Variants in WDR70 observed in about 807,000 individuals in gnomAD.
WDR70 encodes WD repeat-containing protein 70.
A neutral mutation model predicts 88.6 loss-of-function variants in WDR70; 53 were observed. That is an observed-to-expected ratio of 0.60 (90% CI 0.48 to 0.75). WDR70 has a LOEUF of 0.75. WDR70 is among the 30% of genes least tolerant of loss of function. The pLI is 0.00. For synonymous variants in WDR70, 280 were observed against 270.0 expected (o/e 1.04, Z -0.36); for missense variants, 610 against 823.2 (o/e 0.74, Z 3.17).
At chr5:37,415,655 C>CG (rs1371159955) in intron 5 of WDR70, among the ~76,000 whole-genome samples, 1 of 149,364 alleles carries the variant, frequency 6.7e-6, no homozygotes, top group East Asian at 2.0e-4. Context: ...GCTGGCCGGG[C>CG]GGGGGGCTGA....
chr5:37,709,258 C>T (rs1747443367), intron 13 of WDR70, among the ~76,000 whole-genome samples: 1 of 152,170 alleles, frequency 6.6e-6, no homozygotes, highest in Non-Finnish European at 1.5e-5. Flanking sequence ...AGCAATCAGG[C>T]AGCTGGTTGA....
chr5:37,455,205 A>G (rs558119861), intron 7 of WDR70, among the ~76,000 whole-genome samples: 3 of 149,600 alleles, frequency 2.0e-5, no homozygotes, highest in East Asian at 2.0e-4. Context: ...AAATCAGACT[A>G]CTATTTAAGA....
chr5:37,630,450 T>G (rs1278552943), intron 10 of WDR70, among the ~76,000 whole-genome samples: 1 of 152,120 alleles, frequency 6.6e-6, no homozygotes, highest in Non-Finnish European at 1.5e-5. Context: ...GCACTGTGTT[T>G]CTGAATCCCT....
rs181696404 is a variant in WDR70, at chr5:37,652,631, A to G, written c.1093-45024A>G. Among the ~76,000 whole-genome samples the G allele has an allele frequency of 2.2e-4, 33 of 152,260 alleles. No homozygotes were observed. The East Asian group carries it at 6.4e-3, about 29-fold the overall frequency. On this transcript the variant is annotated intron_variant, in intron 10 of 17. Coordinates refer to ENST00000265107, the MANE Select transcript of WDR70 (RefSeq NM_018034.4). ...CTTATTTCATTGAGCAGTGGTTTGT[A>G]GTTCTCCTTGAAGAGGTCCTTCACA... is the stretch of plus-strand genomic sequence containing the variant.
At chr5:37,522,083 A>G (rs1741110802) in intron 9 of WDR70, among the ~76,000 whole-genome samples, 1 of 152,152 alleles carries the variant, frequency 6.6e-6, no homozygotes, top group Admixed American at 6.5e-5. Context: ...TGAAGGTGGT[A>G]TCGCATTGTG....
intron 5 of WDR70, among the ~76,000 whole-genome samples, chr5:37,429,220 T>C (rs1310085314): frequency 6.6e-6 from 1 of 152,220 alleles, no homozygotes; most frequent in East Asian, 1.9e-4. Flanking sequence ...TTTTAGAGTT[T>C]AGAGTTTATT....
intron 9 of WDR70, among the ~76,000 whole-genome samples, chr5:37,548,725 T>C (rs1742063365): frequency 6.6e-6 from 1 of 152,208 alleles, no homozygotes; most frequent in African/African-American, 2.4e-5. Flanking sequence ...CCCAGACCGA[T>C]GTCCTGGAGA....
chr5:37,408,514 A>C (rs1749425207), intron 5 of WDR70, among the ~76,000 whole-genome samples: 1 of 152,140 alleles, frequency 6.6e-6, no homozygotes, highest in Non-Finnish European at 1.5e-5. Flanking sequence ...AAGGATAAAG[A>C]AGCCTCCTCA....
intron 9 of WDR70, among the ~76,000 whole-genome samples, chr5:37,588,844 A>T (rs935976510): frequency 6.6e-5 from 10 of 151,956 alleles, no homozygotes; most frequent in Non-Finnish European, 1.5e-4. Flanking sequence ...GCTCATTGTA[A>T]CCCTCTGCCT....
In WDR70 at chr5:37,703,090, AC is replaced by A; in HGVS notation, c.1416+4del. 6.2e-7 allele frequency: 1 copy of A among 1,601,532 alleles called. No individual in the cohort carries two copies. Among genetic ancestry groups the A allele is most frequent in the Non-Finnish European group, 8.6e-7 (1 of 1,169,546 alleles). On this transcript the variant is annotated splice_donor_region_variant and intron_variant, in intron 13 of 17. Coordinates refer to ENST00000265107, the MANE Select transcript of WDR70 (RefSeq NM_018034.4). ...ATGAAATAGACATCACAGATGCGGT[AC>A]GTATATTCTTTTCTCCTCAGCCTTG...
intron 13 of WDR70, among the ~76,000 whole-genome samples, chr5:37,714,249 A>T (rs1261189938): frequency 6.6e-6 from 1 of 152,196 alleles, no homozygotes; most frequent in Non-Finnish European, 1.5e-5. Flanking sequence ...TTAGAGATTT[A>T]AAAAGTTTCA....
intron 5 of WDR70, among the ~76,000 whole-genome samples, chr5:37,419,101 A>G (rs1403196257): frequency 1.3e-5 from 2 of 152,002 alleles, no homozygotes; most frequent in Non-Finnish European, 2.9e-5. Context: ...CTCATTTTAA[A>G]AAATCTTTCA....
At chr5:37,726,685 C>A (rs1052457040) in intron 16 of WDR70, among the ~76,000 whole-genome samples, 198 bp from the exon 17 acceptor site, 1 of 152,242 alleles carries the variant, frequency 6.6e-6, no homozygotes, top group East Asian at 1.9e-4. Flanking sequence ...ACAAAAAAAT[C>A]TCTTCCTATT....
intron 5 of WDR70, among the ~76,000 whole-genome samples, chr5:37,403,067 C>T (rs1749251656): frequency 6.6e-6 from 1 of 150,950 alleles, no homozygotes; most frequent in Non-Finnish European, 1.5e-5. Context: ...GTGCCTCAGC[C>T]TCCTGAGTAG....
At chr5:37,597,411 T>G (rs1743735765) in intron 9 of WDR70, among the ~76,000 whole-genome samples, 1 of 152,208 alleles carries the variant, frequency 6.6e-6, no homozygotes, top group South Asian at 2.1e-4. Flanking sequence ...AATAGTGTAT[T>G]GTGATTTTTA....
At chr5:37,392,793 G>A (rs943225927) in intron 4 of WDR70, among the ~76,000 whole-genome samples, 1 of 151,352 alleles carries the variant, frequency 6.6e-6, no homozygotes, top group Non-Finnish European at 1.5e-5. Flanking sequence ...TACAGGTGTG[G>A]GCCACCATGC....
At chr5:37,505,075 A>G (rs1422506597) in intron 8 of WDR70, among the ~76,000 whole-genome samples, 2 of 152,214 alleles carry the variant, frequency 1.3e-5, no homozygotes, top group African/African-American at 4.8e-5. Context: ...TACTTTATAT[A>G]TATTTACTGG....
chr5:37,538,793 A>G (rs1022106501), intron 9 of WDR70, among the ~76,000 whole-genome samples: 1 of 152,186 alleles, frequency 6.6e-6, no homozygotes, highest in Non-Finnish European at 1.5e-5. Context: ...AACTTACTAC[A>G]TTTTACTTGG....
At position 37,396,549 on chromosome 5, in the gene WDR70, AGAGGAAGAG is replaced by A. The variant is rs767969912; in HGVS notation, c.483_491del (p.Glu162_Glu164del). On this transcript the variant is annotated inframe_deletion, in exon 5 of 18. Coordinates refer to ENST00000265107, the MANE Select transcript of WDR70 (RefSeq NM_018034.4). ...AAGAAGAAGAAGCAGAGGAAGAAGA[AGAGGAAGAG>A]GAGGAAGAGGAAGTAAGTATTTCAG... is the stretch of plus-strand genomic sequence containing the variant. 1.6e-5 allele frequency: 26 copies of A among 1,612,214 alleles called. No homozygotes were observed. Among genetic ancestry groups the A allele is most frequent in the African/African-American group, 2.7e-5 (2 of 74,880 alleles).
Sources: allele counts gnomAD v4.1 joint callset (sites outside exome capture counted in the v4.1 genomes callset), GRCh38; gene constraint gnomAD v4.1.1; transcripts MANE v1.5; gene names NCBI Gene and HGNC (gene_info 2026-07-23, HGNC 2026-07-21).